SLC35A3: variants seen among roughly 807,000 people sequenced by gnomAD.
SLC35A3 encodes the protein UDP-N-acetylglucosamine transporter.
Under a neutral mutation model 39.0 loss-of-function variants are expected in SLC35A3, and 26 were observed. The observed-to-expected ratio is 0.67, with a 90% CI of 0.49 to 0.92. The LOEUF (loss-of-function observed/expected upper bound fraction) is 0.92. Ranked by LOEUF, SLC35A3 falls within the 40% of genes least tolerant of loss-of-function variation. The pLI is 0.00. For missense variants in SLC35A3, 299 were observed against 371.6 expected (o/e 0.80, Z 1.61); for synonymous variants, 135 against 133.1 (o/e 1.01, Z -0.10).
intron 3 of SLC35A3, among the ~76,000 whole-genome samples, chr1:100,003,416 C>CAAA (rs34020224): frequency 1.6e-4 from 9 of 57,066 alleles, no homozygotes; most frequent in African/African-American, 2.7e-4. Flanking sequence ...AACTCCATCT[C>CAAA]AAAAAAAAAA....
intron 1 of SLC35A3, among the ~76,000 whole-genome samples, chr1:99,985,311 G>A (rs1657684206): frequency 6.6e-6 from 1 of 152,122 alleles, no homozygotes; most frequent in African/African-American, 2.4e-5. Context: ...AGCATCGTTT[G>A]TTGAATAGGG....
At position 100,030,667 on chromosome 1, in the gene SLC35A3, C is replaced by A. The variant is rs191479051; in HGVS notation, c.*8191C>A. On this transcript the variant is annotated 3_prime_UTR_variant, in exon 8 of 8. Coordinates refer to ENST00000533028, the MANE Select transcript of SLC35A3 (RefSeq NM_012243.3). ...GACTTGTGTGATTTAGACACAAAATCTGTGTGTGTGTGTGTTTGGTCTTTT... is the reference window on the plus strand; with the variant it reads ...GACTTGTGTGATTTAGACACAAAATATGTGTGTGTGTGTGTTTGGTCTTTT... 1.1e-3 allele frequency: 160 copies of A among 151,822 alleles called. No homozygotes were observed. Among genetic ancestry groups the A allele is most frequent in the African/African-American group, 3.7e-3 (152 of 41,402 alleles). The allele number at this position is 151,822 out of a possible 1,614,324, so 9.4% of individuals were successfully genotyped here.
intron 6 of SLC35A3, among the ~76,000 whole-genome samples, chr1:100,015,986 C>T (rs943372423): frequency 2.0e-5 from 3 of 151,910 alleles, no homozygotes; most frequent in Non-Finnish European, 4.4e-5. Context: ...TATTTGAAGC[C>T]TAGGAAGCAA....
chr1:99,983,254 T>C (rs578164067), intron 1 of SLC35A3, among the ~76,000 whole-genome samples: 3 of 151,884 alleles, frequency 2.0e-5, no homozygotes, highest in African/African-American at 2.4e-5. Context: ...AAAAATACGG[T>C]TGGGGGCCAG....
intron 1 of SLC35A3, among the ~76,000 whole-genome samples, chr1:99,986,208 G>A (rs1344103999): frequency 5.6e-5 from 8 of 143,096 alleles, no homozygotes; most frequent in Middle Eastern, 3.9e-3. Flanking sequence ...TCTGTTGCTC[G>A]GGCTGGAGTG....
intron 5 of SLC35A3, among the ~76,000 whole-genome samples, chr1:100,011,892 G>A (rs1659686770): frequency 6.7e-6 from 1 of 150,280 alleles, no homozygotes; most frequent in Admixed American, 6.6e-5. Flanking sequence ...CTAATTTTTT[G>A]TATTTTTAGT....
chr1:99,983,878 C>T (rs554120152), intron 1 of SLC35A3, among the ~76,000 whole-genome samples: 18 of 152,274 alleles, frequency 1.2e-4, no homozygotes, highest in South Asian at 6.2e-4. Flanking sequence ...GCCTTGGCCT[C>T]CCAAAGTGCT....
rs1387786258 is a variant in SLC35A3 at position 100,033,118 on chromosome 1, A to C, written c.*10642A>C. 1 of 152,092 alleles carries C rather than the reference A, an allele frequency of 6.6e-6. No individual in the cohort carries two copies. The highest frequency in any genetic ancestry group is 6.6e-5 in the Admixed American group (1 of 15,264). The allele number at this position is 152,092 out of a possible 1,614,324, so 9.4% of individuals were successfully genotyped here. On this transcript the variant is annotated 3_prime_UTR_variant, in exon 8 of 8. Coordinates refer to ENST00000533028, the MANE Select transcript of SLC35A3 (RefSeq NM_012243.3). ...TTTAGTGGACATAGCTAGGAAATACAATTTTAAAAGATCATGAATTCAAAT... is the reference window on the plus strand; with the variant it reads ...TTTAGTGGACATAGCTAGGAAATACCATTTTAAAAGATCATGAATTCAAAT...
At chr1:99,978,899 C>G (rs1319754941) in intron 1 of SLC35A3, 1 of 152,176 alleles carries the variant, frequency 6.6e-6, no homozygotes, top group African/African-American at 2.4e-5. Flanking sequence ...CAGTCTTTCT[C>G]TGAAACATAT....
intron 1 of SLC35A3, among the ~76,000 whole-genome samples, chr1:99,990,370 T>C (rs1204421506): frequency 6.6e-6 from 1 of 152,074 alleles, no homozygotes; most frequent in Non-Finnish European, 1.5e-5. Context: ...GGTCAGGAGA[T>C]CGAGACCATC....
rs1198804854 is a variant in SLC35A3, at chr1:100,024,741, C to CT, written c.*2266dup. ...TCAAGGGATTCTCCTGCCTCAGCCT[C>CT]TGAGTAGCTGGGATTGCAGGCGTGA... On this transcript the variant is annotated 3_prime_UTR_variant, in exon 8 of 8. Transcript: ENST00000533028. The CT allele has an allele frequency of 5.6e-5, 22 of 395,936 alleles. No homozygotes were observed. The highest frequency in any genetic ancestry group is 8.9e-5 in the Non-Finnish European group (20 of 225,348). The allele number at this position is 395,936 out of a possible 1,614,324, so 24.5% of individuals were successfully genotyped here.
chr1:100,016,088 C>T (rs1286596635), intron 6 of SLC35A3, among the ~76,000 whole-genome samples: 10 of 133,714 alleles, frequency 7.5e-5, no homozygotes, highest in African/African-American at 2.6e-4. Flanking sequence ...TTTTTTGAGA[C>T]GGAGTCTAGC....
rs375950700 is a variant in SLC35A3, at chr1:99,970,512, C to G, written c.-19+350C>G. 497 of 1,518,022 alleles carry G rather than the reference C, an allele frequency of 3.3e-4. 1 individual carries two copies. The African/African-American group carries it at 5.8e-3, about 18-fold the overall frequency. 94.0% of individuals were successfully genotyped at this position (1,518,022 alleles called of 1,614,324 possible). Reference sequence around the variant, plus strand: ...AGTGACGGGTGGGCCCGGCTGGGGCCCGTCATTCCTTCAGTGAACATCCCA... The same window carrying G: ...AGTGACGGGTGGGCCCGGCTGGGGCGCGTCATTCCTTCAGTGAACATCCCA... On this transcript the variant is annotated intron_variant, in intron 1 of 7. Coordinates refer to ENST00000533028, the MANE Select transcript of SLC35A3 (RefSeq NM_012243.3).
chr1:100,017,907 A>G (rs1047741666), intron 7 of SLC35A3, 92 bp downstream of exon 7: 2 of 648,442 alleles, frequency 3.1e-6, no homozygotes, highest in Non-Finnish European at 5.0e-6. Context: ...TTGAAGAAGC[A>G]CTGAAATATA....
At chr1:100,021,735 T>A (rs1303805515) in intron 7 of SLC35A3, among the ~76,000 whole-genome samples, 5 of 151,244 alleles carry the variant, frequency 3.3e-5, no homozygotes, top group African/African-American at 4.9e-5. Flanking sequence ...AATTCATTTC[T>A]GATTTATTGT....
intron 3 of SLC35A3, among the ~76,000 whole-genome samples, chr1:100,001,679 A>T (rs1658815720): frequency 6.6e-6 from 1 of 152,004 alleles, no homozygotes; most frequent in Non-Finnish European, 1.5e-5. Context: ...TCCAGTTTGG[A>T]TGCCTTAAAT....
chr1:100,015,157 CAAAAAAAAAAA>C, intron 5 of SLC35A3, 134 bp from the exon 6 acceptor site: 2 of 449,486 alleles, frequency 4.4e-6, no homozygotes, highest in Non-Finnish European at 6.2e-6. Context: ...GACTCCGTCT[CAAAAAAAAAAA>C]AAAAAAAAAG....
In SLC35A3 at chr1:100,024,670, G is replaced by T; in HGVS notation, c.*2194G>T. On this transcript the variant is annotated 3_prime_UTR_variant, in exon 8 of 8. Transcript: ENST00000533028. ...AGTCTCACTTTGTCGCCAGGCTGGA[G>T]TGCTGTGGCGCGATCTCGGCTTACT... 2.6e-6 allele frequency: 1 copy of T among 383,172 alleles called. No individual in the cohort carries two copies. The highest frequency in any genetic ancestry group is 4.6e-6 in the Non-Finnish European group (1 of 218,314). 23.7% of individuals were successfully genotyped at this position (383,172 alleles called of 1,614,324 possible). A position where few individuals can be genotyped will look rare whatever the true frequency, so the allele number is the denominator to read the frequency against.
chr1:99,975,068 A>G (rs59340819), intron 1 of SLC35A3: 15,959 of 151,804 alleles, frequency 0.11, 1,348 homozygotes, highest in African/African-American at 0.23. Context: ...TTAGCCTCCC[A>G]AGTAGGTGGA....
Sources: gnomAD v4.1 joint callset for allele counts (sites outside exome capture counted in the v4.1 genomes callset) on GRCh38, gnomAD v4.1.1 for gene constraint, MANE v1.5 for transcripts, NCBI Gene and HGNC (gene_info 2026-07-23, HGNC 2026-07-21) for gene names.